PLCG2: variants seen among roughly 807,000 people sequenced by gnomAD.
PLCG2 encodes 1-phosphatidylinositol 4,5-bisphosphate phosphodiesterase gamma-2.
PLCG2 carries 69 observed loss-of-function variants against 175.6 expected under a neutral mutation model. The ratio of observed to expected loss-of-function variants is 0.39; its 90% CI spans 0.32 to 0.48. PLCG2 has a LOEUF of 0.48. PLCG2 is among the 20% of genes least tolerant of loss of function. PLCG2 has a pLI of 0.91. For missense variants in PLCG2, 1,798 were observed against 1,650.9 expected (o/e 1.09, Z -1.54); for synonymous variants, 827 against 624.0 (o/e 1.33, Z -4.85).
intron 22 of PLCG2, 80 bp downstream of exon 22, chr16:81,923,674 C>G (rs1450347187): frequency 2.5e-6 from 2 of 792,128 alleles, no homozygotes; most frequent in Non-Finnish European, 4.2e-6. Flanking sequence ...AGGTGCTGGC[C>G]AAGTCTGACC....
At chr16:81,841,086 C>G (rs1905801495) in intron 2 of PLCG2, among the ~76,000 whole-genome samples, 1 of 152,166 alleles carries the variant, frequency 6.6e-6, no homozygotes, top group South Asian at 2.1e-4. Context: ...CACATGGAAG[C>G]AGGACACTGA....
In PLCG2 at chr16:81,837,968, CATGCATA is replaced by C. The variant is rs1905613312; in HGVS notation, c.194-16475_194-16469del. Among the ~76,000 whole-genome samples, 4 of 152,310 alleles carry C rather than the reference CATGCATA, an allele frequency of 2.6e-5. No homozygotes were observed. The South Asian group carries it at 8.3e-4, about 32-fold the overall frequency. ...TATTTAGTTATGTACAATTTGGTCA[CATGCATA>C]GCATCCTATATCTGCCATCATAGTC... On this transcript the variant is annotated intron_variant, in intron 2 of 32. Coordinates refer to ENST00000564138, the MANE Select transcript of PLCG2 (RefSeq NM_002661.5).
chr16:81,853,569 C>T (rs139551854), intron 2 of PLCG2, among the ~76,000 whole-genome samples: 5 of 152,270 alleles, frequency 3.3e-5, no homozygotes, highest in Middle Eastern at 3.4e-3. Flanking sequence ...CCCTCGCATG[C>T]GTAGTTCACC....
chr16:81,909,961 G>A (rs1290003008), intron 17 of PLCG2, among the ~76,000 whole-genome samples: 1 of 148,002 alleles, frequency 6.8e-6, no homozygotes, highest in Non-Finnish European at 1.5e-5. Context: ...TTTGAATCCA[G>A]GCATCCTGGC....
chr16:81,884,923 C>G (rs1908279615), intron 9 of PLCG2, among the ~76,000 whole-genome samples: 3 of 152,078 alleles, frequency 2.0e-5, no homozygotes, highest in East Asian at 3.9e-4. Flanking sequence ...TCACTCACCC[C>G]CTTGCCCAGG....
At chr16:81,823,830 A>G (rs1158205433) in intron 2 of PLCG2, among the ~76,000 whole-genome samples, 2 of 150,830 alleles carry the variant, frequency 1.3e-5, no homozygotes, top group Non-Finnish European at 3.0e-5. Flanking sequence ...GCACCCAGAC[A>G]ATTCTTTTCT....
chr16:81,833,695 A>G (rs1905367602), intron 2 of PLCG2, among the ~76,000 whole-genome samples: 1 of 151,644 alleles, frequency 6.6e-6, no homozygotes, highest in Admixed American at 6.6e-5. Flanking sequence ...ACTCCTGGCT[A>G]ATTATTATAT....
chr16:81,836,849 G>A (rs924069803), intron 2 of PLCG2, among the ~76,000 whole-genome samples: 1 of 152,232 alleles, frequency 6.6e-6, no homozygotes, highest in Non-Finnish European at 1.5e-5. Context: ...CCCCACCTGT[G>A]GAAGGAAGAC....
At chr16:81,912,114 G>A (rs111236624) in intron 18 of PLCG2, among the ~76,000 whole-genome samples, 5,926 of 151,412 alleles carry the variant, frequency 0.039, 377 homozygotes, top group African/African-American at 0.14. Flanking sequence ...TGTATTTTTA[G>A]TAGAGACAGA....
intron 25 of PLCG2, among the ~76,000 whole-genome samples, chr16:81,933,721 AC>A (rs1296786452): frequency 6.6e-6 from 1 of 151,482 alleles, no homozygotes; most frequent in Admixed American, 6.6e-5. Flanking sequence ...AGAGCTAAGC[AC>A]CCCCCAAACA....
chr16:81,835,816 C>G (rs1420908760), intron 2 of PLCG2, among the ~76,000 whole-genome samples: 2 of 152,112 alleles, frequency 1.3e-5, no homozygotes, highest in East Asian at 3.9e-4. Flanking sequence ...TTCCTCTCCT[C>G]TTCCTGGCCT....
chr16:81,908,380 A>G, intron 16 of PLCG2, 36 bp from the exon 17 acceptor site: 2 of 1,594,242 alleles, frequency 1.3e-6, no homozygotes, highest in Non-Finnish European at 1.7e-6. Flanking sequence ...GTTTGGTCCA[A>G]GGCTTTCAGA....
intron 2 of PLCG2, among the ~76,000 whole-genome samples, chr16:81,818,889 T>C (rs1363391315): frequency 6.7e-6 from 1 of 148,506 alleles, no homozygotes; most frequent in Non-Finnish European, 1.5e-5. Flanking sequence ...ATGGATTTTT[T>C]TTTTTTTTTT....
chr16:81,935,825 C>T, intron 26 of PLCG2: 1 of 985,298 alleles, frequency 1.0e-6, no homozygotes, highest in South Asian at 4.7e-5. Context: ...CTCCCAAGAT[C>T]TTCTCCTACC....
intron 2 of PLCG2, among the ~76,000 whole-genome samples, chr16:81,833,400 T>G (rs566984211): frequency 6.6e-6 from 1 of 151,868 alleles, no homozygotes; most frequent in South Asian, 2.1e-4. Context: ...GCCAGTATTC[T>G]GGCCCGGGGT....
At chr16:81,939,030 T>G (rs1910831861) in intron 29 of PLCG2, 115 bp downstream of exon 29, 3 of 658,278 alleles carry the variant, frequency 4.6e-6, no homozygotes, top group Non-Finnish European at 5.4e-6. Flanking sequence ...GGGTTTTCTT[T>G]CCTCCCTCTT....
intron 1 of PLCG2, among the ~76,000 whole-genome samples, chr16:81,779,743 ACTC>A (rs1247357909): frequency 6.7e-6 from 1 of 149,994 alleles, no homozygotes; most frequent in African/African-American, 2.5e-5. Flanking sequence ...GGCGTTCAAA[ACTC>A]CTCTTTTCGA....
At chr16:81,759,849 G>C (rs958075045) in intron 2 of PLCG2, among the ~76,000 whole-genome samples, 4 of 152,218 alleles carry the variant, frequency 2.6e-5, no homozygotes, top group South Asian at 2.1e-4. Flanking sequence ...AATGTAGGCC[G>C]GGCGTGGTGG....
chr16:81,834,406 A>C (rs1597344865), intron 2 of PLCG2, among the ~76,000 whole-genome samples: 1 of 150,822 alleles, frequency 6.6e-6, no homozygotes, highest in Non-Finnish European at 1.5e-5. Flanking sequence ...GTGTTGGAGA[A>C]CTCTGGGCCT....
Sources: allele counts gnomAD v4.1 joint callset (sites outside exome capture counted in the v4.1 genomes callset), GRCh38; gene constraint gnomAD v4.1.1; transcripts MANE v1.5; gene names NCBI Gene and HGNC (gene_info 2026-07-23, HGNC 2026-07-21).